Variants in NKPD1 observed in about 807,000 individuals in gnomAD.
NKPD1 encodes NTPase KAP family P-loop domain-containing protein 1.
In NKPD1, 37 loss-of-function variants were observed where a neutral mutation model predicts 42.2. The ratio of observed to expected loss-of-function variants is 0.88; its 90% CI spans 0.67 to 1.15. NKPD1 has a LOEUF of 1.15. Ranked by LOEUF, NKPD1 falls within the 50% of genes most tolerant of loss-of-function variation. NKPD1 has a pLI of 0.00. For missense variants in NKPD1, 1,113 were observed against 1,174.6 expected, an observed-to-expected ratio of 0.95 and a Z score of 0.77; for synonymous variants, 552 against 536.5, an observed-to-expected ratio of 1.03 and a Z score of -0.40.
Position 45,153,427 on chromosome 19 carries a change from C to G in NKPD1, c.1010G>C (p.Arg337Pro). ...QDCCQSEWHC[R>P]RRVCLGLLAL... is the part of the protein sequence containing the mutation. Reference sequence around the variant, plus strand: ...CAGCAGCCCCAGGCACACGCGGCGCCGACAATGCCACTCGCTCTGGCAGCA... The same window carrying G: ...CAGCAGCCCCAGGCACACGCGGCGCGGACAATGCCACTCGCTCTGGCAGCA... The change falls in exon 5 of 5, where the codon CGG becomes CCG. Residue 337 changes from arginine to proline, a missense_variant. Arg to Pro is a moderately radical substitution (Grantham distance 103). This residue lies in a region of NKPD1 where 867 missense variants were observed against 870.1 expected (regional missense o/e 1.00). Coordinates refer to ENST00000686631, the MANE Select transcript of NKPD1 (RefSeq NM_198478.4). 6.5e-7 allele frequency: 1 copy of G among 1,548,442 alleles called. No individual in the cohort carries two copies. Among genetic ancestry groups the G allele is most frequent in the Non-Finnish European group, 8.7e-7 (1 of 1,150,634 alleles).
rs1335427910 is a variant in NKPD1, at chr19:45,155,821, CG to C, written c.624del (p.Phe208LeufsTer7). On this transcript the variant is annotated frameshift_variant, in exon 4 of 5. Transcript: ENST00000686631. LOFTEE classifies it high-confidence loss of function. ...TCCAGCATCATGTGCAGGCGGCAGC[CG>C]AAAGGGGCATAGAAACCCACGGTCA... ...VPVTVGFYAP[F>X]GCRLHMMLDK... The C allele has an allele frequency of 7.7e-7, 1 of 1,305,322 alleles. No individual in the cohort carries two copies. Among genetic ancestry groups the C allele is most frequent in the African/African-American group, 1.5e-5 (1 of 65,992 alleles). 80.9% of individuals were successfully genotyped at this position (1,305,322 alleles called of 1,614,324 possible).
upstream of NKPD1, among the ~76,000 whole-genome samples, chr19:45,162,537 C>T (rs1431441561): frequency 6.6e-6 from 1 of 152,090 alleles, no homozygotes; most frequent in Admixed American, 6.5e-5. Context: ...GCCACTCTGC[C>T]CAGGGACGGG....
chr19:45,160,885 G>A (rs369678918), intron 1 of NKPD1, among the ~76,000 whole-genome samples, 40 bp downstream of exon 1: 11 of 151,926 alleles, frequency 7.2e-5, no homozygotes, highest in African/African-American at 2.7e-4. Context: ...TTGGTAGCCT[G>A]CCCACCACTC....
rs1320329996 is a variant in NKPD1 at position 45,153,768 on chromosome 19, C to A, written c.669G>T (p.Met223Ile). 3 of 1,478,870 alleles carry A rather than the reference C, an allele frequency of 2.0e-6. No homozygotes were observed. The highest frequency in any genetic ancestry group is 2.7e-6 in the Non-Finnish European group (3 of 1,110,670). 91.6% of individuals were successfully genotyped at this position (1,478,870 alleles called of 1,614,324 possible). A position where few individuals can be genotyped will look rare whatever the true frequency, so the allele number is the denominator to read the frequency against. The part of the protein sequence containing the change: ...HMMLDKITAL[M>I]QQEAAQRESE... ...TCTCGCGCTGCGCGGCCTCCTGCTGCATCAGCGCTGCGGGAAGGGAGCCCG... is the reference window on the plus strand; with the variant it reads ...TCTCGCGCTGCGCGGCCTCCTGCTGAATCAGCGCTGCGGGAAGGGAGCCCG... Residue 223 changes from methionine (M) to isoleucine (I), a missense_variant, in exon 5 of 5, where the codon ATG becomes ATT. Met to Ile is a conservative substitution (Grantham distance 10, BLOSUM62 1). Around this residue, in one of 3 missense-constraint regions of NKPD1, gnomAD observed 42 missense variants for 76.7 expected, o/e 0.55. Transcript: ENST00000686631.
upstream of NKPD1, among the ~76,000 whole-genome samples, chr19:45,162,503 G>A (rs1335678901): frequency 2.6e-5 from 4 of 152,178 alleles, no homozygotes; most frequent in South Asian, 2.1e-4. Flanking sequence ...AGATGCGAGC[G>A]GGGTGGGAGG....
At position 45,150,590 on chromosome 19, in the gene NKPD1, C is replaced by G. The variant is rs1463961995; in HGVS notation, c.*1348G>C. On this transcript the variant is annotated 3_prime_UTR_variant, in exon 5 of 5. Coordinates refer to ENST00000686631, the MANE Select transcript of NKPD1 (RefSeq NM_198478.4). The stretch of plus-strand genomic sequence containing the variant: ...CCAGCTCTCCCTGACTGCTGGGAAA[C>G]AGCTCCCAGGAGGTCCAGGCGTATC... 2.6e-5 allele frequency: 4 copies of G among 152,348 alleles called. No homozygotes were observed. Among genetic ancestry groups the G allele is most frequent in the Admixed American group, 6.5e-5 (1 of 15,292 alleles). The allele number at this position is 152,348 out of a possible 1,614,324, so 9.4% of individuals were successfully genotyped here. A position where few individuals can be genotyped will look rare whatever the true frequency, so the allele number is the denominator to read the frequency against.
chr19:45,153,809 G>T (rs776223463), intron 4 of NKPD1, 34 bp from the exon 5 acceptor site: 79 of 1,413,812 alleles, frequency 5.6e-5, no homozygotes, highest in East Asian at 1.1e-4. Flanking sequence ...CGCGTGAGCC[G>T]CAGACCCGCC....
At chr19:45,153,867 G>A in intron 4 of NKPD1, 92 bp from the exon 5 acceptor site, 1 of 1,269,522 alleles carries the variant, frequency 7.9e-7, no homozygotes, top group African/African-American at 1.6e-5. Context: ...TCCTGGAGAG[G>A]CGAGGGGCGC....
At position 45,152,866 on chromosome 19, in the gene NKPD1, G is replaced by A. The variant is rs1198130334; in HGVS notation, c.1571C>T (p.Thr524Met). The change falls in exon 5 of 5, where the codon ACG (threonine) becomes ATG (methionine). Residue 524 changes from threonine (T) to methionine (M), a missense_variant. Thr to Met is a moderately conservative substitution (Grantham distance 81). Around this residue, in one of 3 missense-constraint regions of NKPD1, gnomAD observed 867 missense variants for 870.1 expected, o/e 1.00. Transcript: ENST00000686631. ...CATAATGGGCACAGAGAAGGGCAGC[G>A]TGACAGTGCGGTTGAGGAAGAGGTA... Reference protein sequence around the residue: ...NGYLFLNRTVTLPFSVPIMGR... With the variant: ...NGYLFLNRTVMLPFSVPIMGR... 1 of 1,589,264 alleles carries A rather than the reference G, an allele frequency of 6.3e-7. No individual in the cohort carries two copies. Among genetic ancestry groups the A allele is most frequent in the Non-Finnish European group, 8.6e-7 (1 of 1,164,836 alleles).
At chr19:45,157,655 A>C (rs1243842356) in intron 3 of NKPD1, among the ~76,000 whole-genome samples, 1 of 149,334 alleles carries the variant, frequency 6.7e-6, no homozygotes, top group Non-Finnish European at 1.5e-5. Context: ...GCCTCAAGCG[A>C]TCCTCCTGCC....
chr19:45,157,253 G>A (rs535178941), intron 3 of NKPD1, among the ~76,000 whole-genome samples: 280 of 152,324 alleles, frequency 1.8e-3, no homozygotes, highest in African/African-American at 6.2e-3. Flanking sequence ...GGCAAAAGCC[G>A]AAGTACTGGC....
In NKPD1 at chr19:45,158,967, G is replaced by C. The variant is rs1968956674; in HGVS notation, c.225C>G (p.Leu75=). 2 of 1,300,874 alleles carry C rather than the reference G, an allele frequency of 1.5e-6. No homozygotes were observed. Among genetic ancestry groups the C allele is most frequent in the South Asian group, 2.5e-5 (2 of 80,798 alleles). 80.6% of individuals were successfully genotyped at this position (1,300,874 alleles called of 1,614,324 possible). The change falls in exon 3 of 5, where the codon CTC becomes CTG. Residue 75 remains leucine, a synonymous_variant. Coordinates refer to ENST00000686631, the MANE Select transcript of NKPD1 (RefSeq NM_198478.4). The surrounding 1 kb of genome is among the most constrained non-coding windows in gnomAD (Gnocchi z 4.6). ...QVGGSGWRRG[L]LPSVLQQQRQ... ...GCTGCTGCTGCAGGACGGAGGGCAGGAGGCCCCGGCGCCAGCCACTGCCAC... is the reference window on the plus strand; with the variant it reads ...GCTGCTGCTGCAGGACGGAGGGCAGCAGGCCCCGGCGCCAGCCACTGCCAC...
chr19:45,153,059 C>T lies in NKPD1; in HGVS notation c.1378G>A (p.Gly460Arg), dbSNP rs1358558024. ...CGCTCCGGGTAGCACGTGTCCAGCC[C>T]GGTGACCTCCAGCACCACGCGCAGC... ...RRLRVVLEVT[G>R]LDTCYPERVV... Residue 460 changes from glycine (G) to arginine (R), a missense_variant, in exon 5 of 5, where the codon GGG becomes AGG. Physicochemically the swap from Gly to Arg is moderately radical, Grantham distance 125 (BLOSUM62 -2). Coordinates refer to ENST00000686631, the MANE Select transcript of NKPD1 (RefSeq NM_198478.4). The T allele has an allele frequency of 3.8e-6, 6 of 1,583,516 alleles. No individual in the cohort carries two copies. In the South Asian group the frequency reaches 4.6e-5, roughly 12 times the overall value.
In NKPD1 at chr19:45,155,923, G is replaced by T. The variant is rs746231458; in HGVS notation, c.530-7C>A. 102 of 1,303,980 alleles carry T rather than the reference G, an allele frequency of 7.8e-5. No homozygotes were observed. Among genetic ancestry groups the T allele is most frequent in the Non-Finnish European group, 1.0e-4 (99 of 987,956 alleles). The allele number at this position is 1,303,980 out of a possible 1,614,324, so 80.8% of individuals were successfully genotyped here. The stretch of plus-strand genomic sequence containing the variant: ...TCATCCTCTGTCAGGATGTCTGGTG[G>T]TTGGGAGTGGGGACACTGAGTCAGG... On this transcript the variant is annotated splice_polypyrimidine_tract_variant and splice_region_variant and intron_variant, in intron 3 of 4. Transcript: ENST00000686631.
intron 4 of NKPD1, among the ~76,000 whole-genome samples, chr19:45,154,181 G>A (rs1256742688): frequency 6.6e-6 from 1 of 152,210 alleles, no homozygotes; most frequent in Admixed American, 6.5e-5. Context: ...AGGGATGAAT[G>A]AATGAGATGC....
At chr19:45,162,219 G>C (rs1969020919), upstream of NKPD1, among the ~76,000 whole-genome samples, 4 of 152,200 alleles carry the variant, frequency 2.6e-5, no homozygotes, top group African/African-American at 7.2e-5. Flanking sequence ...GGACACTAGG[G>C]GGAGCAGGCG....
In NKPD1 at chr19:45,153,689, C is replaced by T; in HGVS notation, c.748G>A (p.Val250Ile). Reference sequence around the variant, plus strand: ...ACCAGGTACCACAGTAGCTGCGGGACGCCCCAGCCGCTCACGGCACGCGGC... The same window carrying T: ...ACCAGGTACCACAGTAGCTGCGGGATGCCCCAGCCGCTCACGGCACGCGGC... The part of the protein sequence containing the change: ...WRPRAVSGWG[V>I]PQLLWYLVFL... The change falls in exon 5 of 5, where the codon GTC (valine) becomes ATC (isoleucine). Residue 250 changes from valine (V) to isoleucine (I), a missense_variant. Transcript: ENST00000686631. The T allele has an allele frequency of 2.6e-6, 4 of 1,544,032 alleles. No individual in the cohort carries two copies. The highest frequency in any genetic ancestry group is 3.5e-6 in the Non-Finnish European group (4 of 1,142,796).
chr19:45,162,331 C>T (rs1456799621), upstream of NKPD1, among the ~76,000 whole-genome samples: 4 of 152,158 alleles, frequency 2.6e-5, 1 homozygote, highest in Admixed American at 6.5e-5. Flanking sequence ...CAGGGCCTGA[C>T]GGGGTGACTG....
In NKPD1 at chr19:45,152,392, C is replaced by T. The variant is rs764804362; in HGVS notation, c.2045G>A (p.Gly682Asp). ...GAGGCGCGCGCGGCCCTCGGGCGCG[C>T]CCCCGGTCTGCTGCCGGTCCTCCAG... ...QCLEDRQQTG[G>D]APEGRARLWD... The change falls in exon 5 of 5, where the codon GGC becomes GAC. Residue 682 changes from glycine (G) to aspartate (D), a missense_variant. By Grantham distance (94) the Gly-to-Asp change is moderately conservative. Around this residue, in one of 3 missense-constraint regions of NKPD1, gnomAD observed 867 missense variants for 870.1 expected, o/e 1.00. Transcript: ENST00000686631. 3 of 1,577,228 alleles carry T rather than the reference C, an allele frequency of 1.9e-6. No individual in the cohort carries two copies. Among genetic ancestry groups the T allele is most frequent in the East Asian group, 2.4e-5 (1 of 42,150 alleles).
Sources: gnomAD v4.1 joint callset for allele counts (sites outside exome capture counted in the v4.1 genomes callset) on GRCh38, gnomAD v4.1.1 for gene constraint, gnomAD v4.1.1 regional missense constraint, Gnocchi (gnomAD v3.1) non-coding constraint, MANE v1.5 for transcripts, NCBI Gene and HGNC (gene_info 2026-07-23, HGNC 2026-07-21) for gene names.